B4GALNT2: variants seen among roughly 807,000 people sequenced by gnomAD.
B4GALNT2 encodes the protein beta-1,4-N-acetyl-galactosaminyltransferase 2 (SID blood group).
A neutral mutation model predicts 51.1 loss-of-function variants in B4GALNT2; 42 were observed. That is an observed-to-expected ratio of 0.82 (90% CI 0.64 to 1.06). The LOEUF is 1.06. B4GALNT2 is among the 50% of genes least tolerant of loss of function. The pLI is 0.00. For missense variants in B4GALNT2, 602 were observed against 633.6 expected, an observed-to-expected ratio of 0.95 and a Z score of 0.54; for synonymous variants, 253 against 251.7, an observed-to-expected ratio of 1.01 and a Z score of -0.05.
intron 7 of B4GALNT2, 115 bp from the exon 8 acceptor site, chr17:49,163,973 T>G: frequency 9.9e-7 from 1 of 1,005,042 alleles, no homozygotes; most frequent in Non-Finnish European, 1.5e-6. Flanking sequence ...ACAAGAGGCA[T>G]GAGACCCACA....
chr17:49,155,432 A>G (rs2042799702), intron 4 of B4GALNT2, among the ~76,000 whole-genome samples: 1 of 150,962 alleles, frequency 6.6e-6, no homozygotes. Flanking sequence ...GTGAAACCCC[A>G]TCTCCACTAA....
At chr17:49,151,602 C>T (rs9896900) in intron 3 of B4GALNT2, among the ~76,000 whole-genome samples, 6 of 151,812 alleles carry the variant, frequency 4.0e-5, no homozygotes, top group South Asian at 2.1e-4. Context: ...AAAAATTAGC[C>T]GGGCATGGTG....
At chr17:49,153,230 T>C (rs1043544764) in intron 4 of B4GALNT2, among the ~76,000 whole-genome samples, 1 of 152,066 alleles carries the variant, frequency 6.6e-6, no homozygotes, top group Admixed American at 6.6e-5. Flanking sequence ...GCCTGGGCAA[T>C]ATGGCAAAAC....
intron 6 of B4GALNT2, among the ~76,000 whole-genome samples, chr17:49,159,889 A>G (rs1277672308): frequency 1.3e-5 from 2 of 152,106 alleles, no homozygotes; most frequent in African/African-American, 4.8e-5. Context: ...GTGCCTCAGC[A>G]TCTTGTCTTG....
At chr17:49,120,622 C>T in the B4GALNT2 span, among the ~76,000 whole-genome samples, 1 of 152,044 alleles carries the variant, frequency 6.6e-6, no homozygotes. Flanking sequence ...TCTCCTTCCT[C>T]AGCCTCCTGA....
At chr17:49,155,885 G>A (rs1185296695) in intron 4 of B4GALNT2, among the ~76,000 whole-genome samples, 1 of 151,566 alleles carries the variant, frequency 6.6e-6, no homozygotes, top group Non-Finnish European at 1.5e-5. Flanking sequence ...ACCATGCCCG[G>A]CCAATTTTTT....
Position 49,174,015 on chromosome 17 carries a change from T to C in B4GALNT2, c.*4287T>C, listed in dbSNP as rs1459157959. On this transcript the variant is annotated 3_prime_UTR_variant, in exon 11 of 11. Coordinates refer to ENST00000393354, the MANE Select transcript of B4GALNT2 (RefSeq NM_001159387.2). ...TAGGTCATATCCAATTAATGTCCCC[T>C]GGTAATTTTTGAAAGTCATTTAATG... is the stretch of plus-strand genomic sequence containing the variant. 6.6e-6 allele frequency: 1 copy of C among 152,164 alleles called. No homozygotes were observed. Among genetic ancestry groups the C allele is most frequent in the Admixed American group, 6.6e-5 (1 of 15,250 alleles). 9.4% of individuals were successfully genotyped at this position (152,164 alleles called of 1,614,324 possible).
At chr17:49,129,619 T>A (rs1377137650), upstream of B4GALNT2, among the ~76,000 whole-genome samples, 1 of 33,726 alleles carries the variant, frequency 3.0e-5, no homozygotes, top group South Asian at 7.4e-4. Context: ...TTCTGGCCGA[T>A]TTTTTGGTCA....
intron 2 of B4GALNT2, 101 bp from the exon 3 acceptor site, chr17:49,141,934 G>A: frequency 6.8e-7 from 1 of 1,473,518 alleles, no homozygotes; most frequent in South Asian, 1.2e-5. Flanking sequence ...TAGGAAAGAA[G>A]ATTTTCAGGG....
At chr17:49,161,359 G>A (rs578229485) in intron 7 of B4GALNT2, among the ~76,000 whole-genome samples, 7 of 150,612 alleles carry the variant, frequency 4.6e-5, no homozygotes, top group East Asian at 2.0e-4. Flanking sequence ...AAAAAATCAC[G>A]TGAGATAATG....
At chr17:49,138,624 T>A (rs1008217931) in intron 1 of B4GALNT2, among the ~76,000 whole-genome samples, 10 of 152,206 alleles carry the variant, frequency 6.6e-5, no homozygotes, top group African/African-American at 1.7e-4. Context: ...ATGCGTGTAA[T>A]CCCATCAGTT....
intron 3 of B4GALNT2, among the ~76,000 whole-genome samples, chr17:49,150,202 G>C (rs1172053547): frequency 8.4e-6 from 1 of 118,580 alleles, no homozygotes; most frequent in Admixed American, 8.7e-5. Flanking sequence ...GGAGGTGGGG[G>C]GGTCAGCCCC....
In B4GALNT2 at chr17:49,176,562, C is replaced by T. The variant is rs2042989920; in HGVS notation, c.*6834C>T. On this transcript the variant is annotated 3_prime_UTR_variant, in exon 11 of 11. Coordinates refer to ENST00000393354, the MANE Select transcript of B4GALNT2 (RefSeq NM_001159387.2). ...TTCCCCCCTGGGTGGGACAGGTGTT[C>T]CTTGCCCTCATTCCAGTAAATCCAC... 2 of 152,182 alleles carry T rather than the reference C, an allele frequency of 1.3e-5. No individual in the cohort carries two copies. The highest frequency in any genetic ancestry group is 6.5e-5 in the Admixed American group (1 of 15,276). 9.4% of individuals were successfully genotyped at this position (152,182 alleles called of 1,614,324 possible).
At chr17:49,128,979 C>A (rs1010410817), upstream of B4GALNT2, among the ~76,000 whole-genome samples, 1 of 152,170 alleles carries the variant, frequency 6.6e-6, no homozygotes, top group African/African-American at 2.4e-5. Context: ...CTGGGCATCC[C>A]CAAGATTTCT....
At chr17:49,165,938 A>C (rs921424381) in intron 8 of B4GALNT2, among the ~76,000 whole-genome samples, 176 bp from the exon 9 acceptor site, 39 of 152,102 alleles carry the variant, frequency 2.6e-4, no homozygotes, top group African/African-American at 9.2e-4. Context: ...TGAGACATGG[A>C]CTTCCTTCAA....
At chr17:49,156,643 T>C (rs368743153) in intron 5 of B4GALNT2, 40 bp downstream of exon 5, 244 of 1,603,910 alleles carry the variant, frequency 1.5e-4, no homozygotes, top group Non-Finnish European at 2.0e-4. Flanking sequence ...CTTGGTGTCC[T>C]GTCCTCATTC....
chr17:49,141,134 C>T, intron 1 of B4GALNT2, 113 bp from the exon 2 acceptor site: 1 of 946,964 alleles, frequency 1.1e-6, no homozygotes, highest in Non-Finnish European at 1.7e-6. Flanking sequence ...ATTTTAGTGA[C>T]CAATATAAGC....
chr17:49,168,285 G>C (rs987400896), intron 9 of B4GALNT2, among the ~76,000 whole-genome samples: 3 of 152,180 alleles, frequency 2.0e-5, no homozygotes, highest in Non-Finnish European at 4.4e-5. Flanking sequence ...GAGACAAACA[G>C]CTCCCTGCAA....
chr17:49,166,024 C>T, intron 8 of B4GALNT2, 90 bp from the exon 9 acceptor site: 3 of 1,429,926 alleles, frequency 2.1e-6, no homozygotes, highest in Non-Finnish European at 1.9e-6. Flanking sequence ...GGAGTGCATG[C>T]AGCCTGGCTG....
Sources: allele counts gnomAD v4.1 joint callset (sites outside exome capture counted in the v4.1 genomes callset), GRCh38; gene constraint gnomAD v4.1.1; transcripts MANE v1.5; gene names NCBI Gene and HGNC (gene_info 2026-07-23, HGNC 2026-07-21).